HMGXB4: variants seen among roughly 807,000 people sequenced by gnomAD.
HMGXB4 encodes HMG-box containing 4.
HMGXB4 carries 27 observed loss-of-function variants against 63.9 expected under a neutral mutation model. The ratio of observed to expected loss-of-function variants is 0.42; its 90% CI spans 0.31 to 0.58. The LOEUF is 0.58. Among genes scored for constraint, HMGXB4 ranks in the 20% least tolerant of loss-of-function variants. HMGXB4 has a pLI of 0.13. For missense variants in HMGXB4, 624 were observed against 700.7 expected (o/e 0.89, Z 1.24); for synonymous variants, 264 against 265.3 (o/e 0.99, Z 0.05).
In HMGXB4 at chr22:35,293,622, A is replaced by G; in HGVS notation, c.1777A>G (p.Asn593Asp). The change falls in exon 11 of 11, where the codon AAC (asparagine) becomes GAC (aspartate). Residue 593 changes from asparagine (N) to aspartate (D), a missense_variant. Physicochemically the swap from Asn to Asp is conservative, Grantham distance 23. Transcript: ENST00000216106. ...PKQVLSNTLD[N>D]IAYIMPGL ...TGTTTTGCAGTCAAACACATTAGAC[A>G]ACATTGCTTACATCATGCCGGGACT... The G allele has an allele frequency of 6.2e-7, 1 of 1,612,152 alleles. No homozygotes were observed. The highest frequency in any genetic ancestry group is 8.5e-7 in the Non-Finnish European group (1 of 1,178,164).
At position 35,284,101 on chromosome 22, in the gene HMGXB4, C is replaced by A. The variant is rs973046173; in HGVS notation, c.1297+58C>A. The A allele has an allele frequency of 2.0e-5, 23 of 1,172,870 alleles. No individual in the cohort carries two copies. In the African/African-American group the frequency reaches 3.0e-4, roughly 15 times the overall value. The allele number at this position is 1,172,870 out of a possible 1,614,324, so 72.7% of individuals were successfully genotyped here. Reference sequence around the variant, plus strand: ...TTTCCATTTATATCTTGAAGCAGTGCGATTAATTTCTTCTTCCTGTAGCAT... The same window carrying A: ...TTTCCATTTATATCTTGAAGCAGTGAGATTAATTTCTTCTTCCTGTAGCAT... On this transcript the variant is annotated intron_variant, in intron 6 of 10. Transcript: ENST00000216106.
the HMGXB4 span, among the ~76,000 whole-genome samples, chr22:35,246,981 G>A: frequency 6.6e-6 from 1 of 152,164 alleles, no homozygotes; most frequent in African/African-American, 2.4e-5. Flanking sequence ...TAATGACTGT[G>A]TTTATTGTCC....
chr22:35,262,179 A>G lies in HMGXB4; in HGVS notation c.-68-144A>G, dbSNP rs1224193728. 1.0e-5 allele frequency: 6 copies of G among 588,078 alleles called. No individual in the cohort carries two copies. The Admixed American group carries it at 1.5e-4, about 15-fold the overall frequency. 36.4% of individuals were successfully genotyped at this position (588,078 alleles called of 1,614,324 possible). Reference sequence around the variant, plus strand: ...CAGTATCAACCCCACTGTATTTACAAAGAGAATGAGGAGGTGACAAGACAC... The same window carrying G: ...CAGTATCAACCCCACTGTATTTACAGAGAGAATGAGGAGGTGACAAGACAC... On this transcript the variant is annotated intron_variant, in intron 1 of 10. Transcript: ENST00000216106.
chr22:35,290,630 CAA>C (rs767279436), intron 9 of HMGXB4, among the ~76,000 whole-genome samples: 150 of 52,844 alleles, frequency 2.8e-3, no homozygotes, highest in African/African-American at 8.5e-3. Context: ...GACTCCGCCT[CAA>C]AAAAAAAAAA....
At position 35,262,322 on chromosome 22, in the gene HMGXB4, G is replaced by T; in HGVS notation, c.-68-1G>T. 2 of 1,505,248 alleles carry T rather than the reference G, an allele frequency of 1.3e-6. No homozygotes were observed. Among genetic ancestry groups the T allele is most frequent in the South Asian group, 1.1e-5 (1 of 88,636 alleles). 93.2% of individuals were successfully genotyped at this position (1,505,248 alleles called of 1,614,324 possible). The stretch of plus-strand genomic sequence containing the variant: ...GAGGGTTTTCCTTCTTTGTTTCTCA[G>T]ACCTGGTCCTGTAGACGGGAAGGAG... On this transcript the variant is annotated splice_acceptor_variant, in intron 1 of 10. Transcript: ENST00000216106. LOFTEE classifies it low-confidence loss of function (5UTR_SPLICE).
intron 3 of HMGXB4, 72 bp downstream of exon 3, chr22:35,263,298 T>TG: frequency 2.3e-6 from 3 of 1,319,620 alleles, no homozygotes; most frequent in South Asian, 1.4e-5. Flanking sequence ...GAGTTTTTTT[T>TG]TGTTTTTTTT....
rs547409606 is a variant in HMGXB4 at position 35,263,672 on chromosome 22, C to G, written c.181-124C>G. 5.8e-5 allele frequency: 40 copies of G among 685,922 alleles called. No individual in the cohort carries two copies. In the South Asian group the frequency reaches 6.5e-4, roughly 11 times the overall value. The allele number at this position is 685,922 out of a possible 1,614,324, so 42.5% of individuals were successfully genotyped here. ...GAGAAAAGAAAAATAAAACGTTATGCACATCTATTTTTATTATTTCTTGTG... is the reference window on the plus strand; with the variant it reads ...GAGAAAAGAAAAATAAAACGTTATGGACATCTATTTTTATTATTTCTTGTG... On this transcript the variant is annotated intron_variant, in intron 3 of 10. Transcript: ENST00000216106.
chr22:35,289,707 G>A (rs2145572652), intron 9 of HMGXB4, among the ~76,000 whole-genome samples: 1 of 152,246 alleles, frequency 6.6e-6, no homozygotes, highest in African/African-American at 2.4e-5. Flanking sequence ...TATGCCCTGG[G>A]GAGATTTTTG....
upstream of HMGXB4, among the ~76,000 whole-genome samples, chr22:35,255,860 C>T (rs1031571450): frequency 6.6e-6 from 1 of 152,250 alleles, no homozygotes; most frequent in South Asian, 2.1e-4. Context: ...GGAAGCCTAA[C>T]GTCAGGCAGG....
chr22:35,255,326 AAAC>A (rs745515627), upstream of HMGXB4, among the ~76,000 whole-genome samples: 7 of 151,948 alleles, frequency 4.6e-5, no homozygotes, highest in Admixed American at 2.0e-4. Context: ...GGTAAAAAAA[AAAC>A]AACAAAAAAA....
chr22:35,288,528 G>T, intron 9 of HMGXB4, 121 bp downstream of exon 9: 1 of 654,590 alleles, frequency 1.5e-6, no homozygotes. Flanking sequence ...ATTATGCCAG[G>T]TTCTCAGGAT....
intron 5 of HMGXB4, among the ~76,000 whole-genome samples, chr22:35,272,384 T>C (rs935250015): frequency 6.6e-6 from 1 of 152,186 alleles, no homozygotes; most frequent in African/African-American, 2.4e-5. Context: ...GAAATTACAC[T>C]ATTTCCTGGG....
chr22:35,289,757 C>T (rs369588657), intron 9 of HMGXB4, among the ~76,000 whole-genome samples: 1 of 152,206 alleles, frequency 6.6e-6, no homozygotes, highest in Admixed American at 6.5e-5. Context: ...TTAACCTGCA[C>T]AGCTGTCGTG....
At chr22:35,253,670 G>A (rs1310868574), upstream of HMGXB4, among the ~76,000 whole-genome samples, 2 of 151,882 alleles carry the variant, frequency 1.3e-5, no homozygotes, top group Non-Finnish European at 2.9e-5. Context: ...TTTCCTCTCT[G>A]GTCAGGAGAC....
At chr22:35,268,471 G>T (rs780740275) in intron 5 of HMGXB4, among the ~76,000 whole-genome samples, 1 of 150,150 alleles carries the variant, frequency 6.7e-6, no homozygotes, top group Non-Finnish European at 1.5e-5. Context: ...TTATTCTACC[G>T]TGCAGTTAAT....
At chr22:35,280,701 T>C (rs1401918403) in intron 5 of HMGXB4, among the ~76,000 whole-genome samples, 1 of 152,220 alleles carries the variant, frequency 6.6e-6, no homozygotes, top group African/African-American at 2.4e-5. Flanking sequence ...TAATATGGGT[T>C]ACATGGCCTC....
At chr22:35,244,036 T>C in the HMGXB4 span, among the ~76,000 whole-genome samples, 9,601 of 152,266 alleles carry the variant, frequency 0.063, 484 homozygotes, top group Admixed American at 0.11. Flanking sequence ...TTGGAATGAA[T>C]TTCTTTGGGT....
At chr22:35,242,225 C>CT in the HMGXB4 span, among the ~76,000 whole-genome samples, 1 of 151,914 alleles carries the variant, frequency 6.6e-6, no homozygotes, top group East Asian at 1.9e-4. Context: ...TTTTGGTTTC[C>CT]TTAATAGTTT....
chr22:35,243,312 G>A, the HMGXB4 span, among the ~76,000 whole-genome samples: 1 of 152,120 alleles, frequency 6.6e-6, no homozygotes, highest in South Asian at 2.1e-4. Flanking sequence ...GGAGGTTGCA[G>A]TGAGCCGAGA....
Sources: allele counts gnomAD v4.1 joint callset (sites outside exome capture counted in the v4.1 genomes callset), GRCh38; gene constraint gnomAD v4.1.1; transcripts MANE v1.5; gene names NCBI Gene and HGNC (gene_info 2026-07-23, HGNC 2026-07-21).